UVSSA: variants seen among roughly 807,000 people sequenced by gnomAD.
The protein encoded by UVSSA is UV stimulated scaffold protein A.
UVSSA carries 72 observed loss-of-function variants against 73.9 expected under a neutral mutation model. The observed-to-expected ratio is 0.97, with a 90% CI of 0.81 to 1.19. UVSSA has a LOEUF of 1.19. Among genes scored for constraint, UVSSA ranks in the 50% most tolerant of loss-of-function variants. The pLI is 0.00. For synonymous variants in UVSSA, 454 were observed against 391.3 expected, an observed-to-expected ratio of 1.16 and a Z score of -1.89; for missense variants, 1,150 against 965.0, an observed-to-expected ratio of 1.19 and a Z score of -2.54.
At chr4:1,368,931 G>A (rs753596436) in intron 8 of UVSSA, among the ~76,000 whole-genome samples, 8 of 152,234 alleles carry the variant, frequency 5.3e-5, no homozygotes, top group African/African-American at 7.2e-5. Flanking sequence ...ACTGCATGGC[G>A]CCTGCCCCTT....
chr4:1,394,547 C>T lies in UVSSA; in HGVS notation c.*8586C>T, dbSNP rs1044881611. 3 of 1,525,670 alleles carry T rather than the reference C, an allele frequency of 2.0e-6. No individual in the cohort carries two copies. In the South Asian group the frequency reaches 3.6e-5, roughly 18 times the overall value. 94.5% of individuals were successfully genotyped at this position (1,525,670 alleles called of 1,614,324 possible). ...CCTCGCTTTGTGCCAATGTGGAGTG[C>T]CCGCCTGCTCACACGTGCCCATGTG... On this transcript the variant is annotated 3_prime_UTR_variant, in exon 14 of 14. Coordinates refer to the UVSSA transcript ENST00000511216.
At chr4:1,362,405 G>A (rs1218602046) in intron 7 of UVSSA, among the ~76,000 whole-genome samples, 1 of 152,350 alleles carries the variant, frequency 6.6e-6, no homozygotes, top group South Asian at 2.1e-4. Context: ...ACGGGTCACA[G>A]CCCCCTTGGG....
At chr4:1,388,408 A>G (rs899147423), downstream of UVSSA, 1 of 152,236 alleles carries the variant, frequency 6.6e-6, no homozygotes, top group African/African-American at 2.4e-5. Flanking sequence ...CATACACAAA[A>G]TCATGTCATC....
upstream of UVSSA, among the ~76,000 whole-genome samples, chr4:1,342,653 T>C (rs1255197820): frequency 2.0e-5 from 3 of 152,364 alleles, no homozygotes; most frequent in African/African-American, 4.8e-5. Flanking sequence ...TCTTAACTTG[T>C]GTGTGTTGTG....
Position 1,366,144 on chromosome 4 carries a change from GA to G in UVSSA, c.1177-174del, listed in dbSNP as rs1293404578. 3.8e-5 allele frequency: 22 copies of G among 576,654 alleles called. No individual in the cohort carries two copies. The South Asian group carries it at 4.3e-4, about 11-fold the overall frequency. 35.7% of individuals were successfully genotyped at this position (576,654 alleles called of 1,614,324 possible). A position where few individuals can be genotyped will look rare whatever the true frequency, so the allele number is the denominator to read the frequency against. On this transcript the variant is annotated intron_variant, in intron 7 of 13. Transcript: ENST00000389851. ...AGTGCAGAGGTGGTGTGATTTTGGGGAACAAGAACAGCCTTGGAGACGATCT... is the reference window on the plus strand; with the variant it reads ...AGTGCAGAGGTGGTGTGATTTTGGGGACAAGAACAGCCTTGGAGACGATCT...
chr4:1,346,319 C>G (rs1713676376), upstream of UVSSA, among the ~76,000 whole-genome samples: 1 of 152,030 alleles, frequency 6.6e-6, no homozygotes. Context: ...GCACCCAGCC[C>G]CGGGAGCCCA....
chr4:1,353,535 CA>C (rs1715144408), intron 5 of UVSSA, 122 bp downstream of exon 5: 2 of 1,306,232 alleles, frequency 1.5e-6, no homozygotes, highest in African/African-American at 1.5e-5. Context: ...GGAGCTAGGT[CA>C]GGGGTCACCA....
chr4:1,367,415 A>G (rs1003293156), intron 8 of UVSSA, among the ~76,000 whole-genome samples: 1 of 152,168 alleles, frequency 6.6e-6, no homozygotes, highest in Non-Finnish European at 1.5e-5. Flanking sequence ...AGAGATGTAG[A>G]TTTGTTAAGA....
At chr4:1,384,170 AAG>A (rs1719838966) in intron 13 of UVSSA, 1 of 558,002 alleles carries the variant, frequency 1.8e-6, no homozygotes, top group Non-Finnish European at 3.1e-6. Flanking sequence ...TCCCCAGGAT[AAG>A]AGGGGCTCGA....
chr4:1,369,970 C>CA (rs1341927582), intron 8 of UVSSA, among the ~76,000 whole-genome samples: 2 of 152,218 alleles, frequency 1.3e-5, no homozygotes, highest in African/African-American at 4.8e-5. Flanking sequence ...AAAATGCCCT[C>CA]AGTGCCTGAG....
chr4:1,357,380 G>T (rs1197304709), intron 7 of UVSSA, among the ~76,000 whole-genome samples: 1 of 152,276 alleles, frequency 6.6e-6, no homozygotes, highest in African/African-American at 2.4e-5. Flanking sequence ...CTTGGCCTGA[G>T]ATTCTGGCAG....
chr4:1,367,060 C>T (rs1382434642), intron 8 of UVSSA, among the ~76,000 whole-genome samples: 2 of 152,218 alleles, frequency 1.3e-5, no homozygotes, highest in African/African-American at 4.8e-5. Context: ...AGGCATCGCT[C>T]CTCACCGCTG....
intron 8 of UVSSA, among the ~76,000 whole-genome samples, chr4:1,372,907 C>G (rs542597719): frequency 1.6e-5 from 2 of 128,100 alleles, no homozygotes. Context: ...CGCGTCTCTA[C>G]ACACTCACTG....
At position 1,353,590 on chromosome 4, in the gene UVSSA, C is replaced by A. The variant is rs189875131; in HGVS notation, c.934+177C>A. On this transcript the variant is annotated intron_variant, in intron 5 of 13. Transcript: ENST00000389851. ...TGTGGCCTCTGCACTGGGCTCCCCCCACCCATGCCAGGCCTCTGTGGCCAC... is the reference window on the plus strand; with the variant it reads ...TGTGGCCTCTGCACTGGGCTCCCCCAACCCATGCCAGGCCTCTGTGGCCAC... Among the ~76,000 whole-genome samples, 48 of 152,306 alleles carry A rather than the reference C, an allele frequency of 3.2e-4. No individual in the cohort carries two copies. In the East Asian group the frequency reaches 8.9e-3, roughly 28 times the overall value.
chr4:1,373,578 G>C (rs1718394265), intron 8 of UVSSA, among the ~76,000 whole-genome samples: 1 of 152,144 alleles, frequency 6.6e-6, no homozygotes, highest in Non-Finnish European at 1.5e-5. Context: ...GTGTTCTTAG[G>C]TTTTCCTGTA....
intron 8 of UVSSA, among the ~76,000 whole-genome samples, chr4:1,367,893 A>C (rs1415503789): frequency 1.3e-5 from 2 of 152,000 alleles, no homozygotes; most frequent in Admixed American, 1.3e-4. Context: ...ATCCACCTGA[A>C]ATGGTGTTTC....
At chr4:1,369,307 T>G (rs1310213251) in intron 8 of UVSSA, among the ~76,000 whole-genome samples, 1 of 152,182 alleles carries the variant, frequency 6.6e-6, no homozygotes, top group Admixed American at 6.5e-5. Flanking sequence ...AGCTGCCCTC[T>G]GGGGTGCGCA....
intron 8 of UVSSA, among the ~76,000 whole-genome samples, chr4:1,367,224 G>C (rs937531870): frequency 5.3e-5 from 8 of 152,146 alleles, no homozygotes; most frequent in Non-Finnish European, 1.2e-4. Flanking sequence ...TCCCAAAACT[G>C]CGTTCCAGTG....
At chr4:1,342,117 T>C (rs562513994), upstream of UVSSA, among the ~76,000 whole-genome samples, 9 of 152,384 alleles carry the variant, frequency 5.9e-5, 1 homozygote, top group African/African-American at 1.7e-4. Context: ...TGGGAAGTAA[T>C]TCTCTGGAAG....
Sources: allele counts gnomAD v4.1 joint callset (sites outside exome capture counted in the v4.1 genomes callset), GRCh38; gene constraint gnomAD v4.1.1; transcripts MANE v1.5; gene names NCBI Gene and HGNC (gene_info 2026-07-23, HGNC 2026-07-21).